The following ICA1 variants were observed in gnomAD, a reference collection of about 807,000 sequenced individuals.
ICA1 encodes 69 kDa islet cell autoantigen.
In ICA1, 40 loss-of-function variants were observed where a neutral mutation model predicts 71.0. The ratio of observed to expected loss-of-function variants is 0.56; its 90% confidence interval spans 0.44 to 0.73. The LOEUF is 0.73. Ranked by LOEUF, ICA1 falls within the 30% of genes least tolerant of loss-of-function variation. The pLI, the probability that ICA1 is intolerant of heterozygous loss-of-function variation, is 0.00. For synonymous variants in ICA1, 207 were observed against 209.5 expected (o/e 0.99, Z 0.10); for missense variants, 578 against 576.5 (o/e 1.00, Z -0.03).
chr7:8,122,298 C>G (rs538012815), intron 13 of ICA1, among the ~76,000 whole-genome samples: 14 of 152,306 alleles, frequency 9.2e-5, no homozygotes, highest in South Asian at 6.2e-4. Context: ...AGGAGACAGT[C>G]GTGTCCTAAA....
At chr7:8,236,333 G>A (rs1801833183) in intron 1 of ICA1, among the ~76,000 whole-genome samples, 1 of 152,158 alleles carries the variant, frequency 6.6e-6, no homozygotes, top group South Asian at 2.1e-4. Context: ...ATATTATAAG[G>A]TGAAGGTATA....
intron 13 of ICA1, among the ~76,000 whole-genome samples, chr7:8,121,047 C>T (rs757999084): frequency 4.0e-4 from 61 of 152,270 alleles, no homozygotes; most frequent in South Asian, 2.5e-3. Flanking sequence ...GATAAAATGT[C>T]CTGCTTCATT....
At chr7:8,209,702 T>C (rs1583270739) in intron 6 of ICA1, among the ~76,000 whole-genome samples, 1 of 151,716 alleles carries the variant, frequency 6.6e-6, no homozygotes. Context: ...ACAGGAACAG[T>C]GCAAAAGGGT....
rs80165821 is a variant in ICA1, at chr7:8,248,366, G to A, written c.-79-12361C>T. Among the ~76,000 whole-genome samples the A allele has an allele frequency of 9.1e-4, 138 of 152,056 alleles. 1 individual carries two copies. The highest frequency in any genetic ancestry group is 3.1e-3 in the African/African-American group (129 of 41,504). On this transcript the variant is annotated intron_variant, in intron 1 of 13. Transcript: ENST00000402384. ...CATTTCTATTTTCTAGATAAAAATT[G>A]TCATTACCTTAGAGCTCTTCAGTTC...
At chr7:8,258,204 C>G (rs376749411) in intron 1 of ICA1, among the ~76,000 whole-genome samples, 3 of 152,208 alleles carry the variant, frequency 2.0e-5, no homozygotes, top group South Asian at 2.1e-4. Context: ...CTCTTTTACT[C>G]AGCTGTACGC....
In ICA1 at chr7:8,158,750, A is replaced by G. The variant is rs2302550; in HGVS notation, c.580-98T>C. 3.5e-3 allele frequency: 4,292 copies of G among 1,232,986 alleles called. 74 individuals are homozygous for G. Among genetic ancestry groups the G allele is most frequent in the Admixed American group, 0.034 (1,507 of 43,728 alleles). The allele number at this position is 1,232,986 out of a possible 1,614,324, so 76.4% of individuals were successfully genotyped here. On this transcript the variant is annotated intron_variant, in intron 6 of 13. Transcript: ENST00000402384. ...CAACAGCAGGCCTTTTCTCTTTCAC[A>G]TATGAAAAGACTTTTGAAAATTCCA... is the stretch of plus-strand genomic sequence containing the variant.
chr7:8,233,557 C>T (rs1413937033), intron 2 of ICA1, among the ~76,000 whole-genome samples: 2 of 151,996 alleles, frequency 1.3e-5, no homozygotes, highest in Non-Finnish European at 2.9e-5. Context: ...CCACGCCCAG[C>T]TACTTTTTGT....
At chr7:8,155,734 G>A (rs995213750) in intron 8 of ICA1, among the ~76,000 whole-genome samples, 2 of 152,072 alleles carry the variant, frequency 1.3e-5, no homozygotes, top group Non-Finnish European at 2.9e-5. Context: ...TTTTGCTCAG[G>A]CCTGTATAAG....
At chr7:8,146,474 C>A (rs1182280208) in intron 8 of ICA1, among the ~76,000 whole-genome samples, 1 of 152,092 alleles carries the variant, frequency 6.6e-6, no homozygotes, top group Non-Finnish European at 1.5e-5. Context: ...AGAACATTCC[C>A]GTACCCATAT....
chr7:8,195,426 C>T (rs1787128881), intron 6 of ICA1, among the ~76,000 whole-genome samples: 1 of 152,062 alleles, frequency 6.6e-6, no homozygotes, highest in Non-Finnish European at 1.5e-5. Context: ...CTGATAATCC[C>T]AGCTACTTTG....
rs781294685 is a variant in ICA1 at position 8,121,947 on chromosome 7, G to T, written c.1330+5926C>A. ...GAATCCATTTTACAATAAGTTAAGG[G>T]GAGAGGAGTGATTAAGTACAGGTTG... On this transcript the variant is annotated intron_variant, in intron 13 of 13. Transcript: ENST00000402384. 2.8e-4 allele frequency among the ~76,000 whole-genome samples: 43 copies of T among 152,276 alleles called. No homozygotes were observed. In the Middle Eastern group the frequency reaches 0.014, roughly 49 times the overall value.
At chr7:8,187,568 TTTTC>T (rs1273820377) in intron 6 of ICA1, among the ~76,000 whole-genome samples, 1 of 152,230 alleles carries the variant, frequency 6.6e-6, no homozygotes, top group Non-Finnish European at 1.5e-5. Flanking sequence ...TAACAAATGT[TTTTC>T]TTTCTTTGAT....
chr7:8,142,160 C>A lies in ICA1; in HGVS notation c.903-343G>T, dbSNP rs1205342179. 6 of 498,658 alleles carry A rather than the reference C, an allele frequency of 1.2e-5. No homozygotes were observed. The Admixed American group carries it at 2.0e-4, about 17-fold the overall frequency. The allele number at this position is 498,658 out of a possible 1,614,324, so 30.9% of individuals were successfully genotyped here. On this transcript the variant is annotated intron_variant, in intron 9 of 13. Transcript: ENST00000402384. ...AACTGTAAAAATATCAATCAGAATC[C>A]ATTTCTTCTGATTCCTAGTGTTATA...
chr7:8,174,755 CAAAAAAAAAA>C (rs1218712832), intron 6 of ICA1, among the ~76,000 whole-genome samples: 1 of 83,484 alleles, frequency 1.2e-5, no homozygotes, highest in African/African-American at 4.9e-5. Flanking sequence ...GACTGTATCT[CAAAAAAAAAA>C]AAAAAAAAAA....
rs2128091650 is a variant in ICA1, at chr7:8,132,505, T to C, written c.1061-4363A>G. On this transcript the variant is annotated intron_variant, in intron 12 of 13. Transcript: ENST00000402384. This position sits in a 1 kb window ranked among gnomAD's most constrained non-coding sequence, Gnocchi z 4.5. Reference sequence around the variant, plus strand: ...TGCCCCCACCCTATACTGAAATAGCTCTCTTGAAGGTCAGCAGTGAGATCC... The same window carrying C: ...TGCCCCCACCCTATACTGAAATAGCCCTCTTGAAGGTCAGCAGTGAGATCC... 6.6e-6 allele frequency among the ~76,000 whole-genome samples: 1 copy of C among 152,262 alleles called. No individual in the cohort carries two copies. Among genetic ancestry groups the C allele is most frequent in the Non-Finnish European group, 1.5e-5 (1 of 68,018 alleles).
chr7:8,147,713 C>G (rs988677762), intron 8 of ICA1, among the ~76,000 whole-genome samples: 4 of 151,854 alleles, frequency 2.6e-5, no homozygotes, highest in Non-Finnish European at 5.9e-5. Flanking sequence ...CACACACACA[C>G]ACACACACAC....
chr7:8,205,032 A>T (rs1791010786), intron 6 of ICA1, among the ~76,000 whole-genome samples: 1 of 148,926 alleles, frequency 6.7e-6, no homozygotes, highest in African/African-American at 2.5e-5. Flanking sequence ...CTGGTTTCAC[A>T]TCATGACTTT....
intron 12 of ICA1, among the ~76,000 whole-genome samples, chr7:8,135,517 C>T (rs1248333263): frequency 1.3e-5 from 2 of 152,096 alleles, no homozygotes; most frequent in Non-Finnish European, 2.9e-5. Context: ...TAGAACTTGC[C>T]ACTTCGTATG....
Position 8,222,004 on chromosome 7 carries a change from A to G in ICA1, c.257-606T>C, listed in dbSNP as rs1797261261. 6.6e-6 allele frequency among the ~76,000 whole-genome samples: 1 copy of G among 152,146 alleles called. No homozygotes were observed. The highest frequency in any genetic ancestry group is 2.1e-4 in the South Asian group (1 of 4,828). ...ATGCCTAATCTTGGCCTTATTTTTAAAGACAACCTCAGATGGTATTATTGG... is the reference window on the plus strand; with the variant it reads ...ATGCCTAATCTTGGCCTTATTTTTAGAGACAACCTCAGATGGTATTATTGG... On this transcript the variant is annotated intron_variant, in intron 4 of 13. Transcript: ENST00000402384. The surrounding 1 kb of genome is among the most constrained non-coding windows in gnomAD (Gnocchi z 4.8).
Sources: gnomAD v4.1 joint callset for allele counts (sites outside exome capture counted in the v4.1 genomes callset) on GRCh38, gnomAD v4.1.1 for gene constraint, Gnocchi (gnomAD v3.1) non-coding constraint, MANE v1.5 for transcripts, NCBI Gene and HGNC (gene_info 2026-07-23, HGNC 2026-07-21) for gene names.